Variants in RPRD2 observed in about 807,000 individuals in gnomAD.
The protein encoded by RPRD2 is regulation of nuclear pre-mRNA domain-containing protein 2.
In RPRD2, 12 loss-of-function variants were observed where a neutral mutation model predicts 104.4. That is an observed-to-expected ratio of 0.11 (90% CI 0.07 to 0.19). The LOEUF (loss-of-function observed/expected upper bound fraction) is 0.19, where lower values mean the gene tolerates loss of function less well. Among genes scored for constraint, RPRD2 ranks in the 10% least tolerant of loss-of-function variants. The pLI is 1.00. For synonymous variants in RPRD2, 714 were observed against 684.9 expected, an observed-to-expected ratio of 1.04 and a Z score of -0.66; for missense variants, 1,543 against 1,790.1, an observed-to-expected ratio of 0.86 and a Z score of 2.49.
At chr1:150,389,141 A>G (rs1465444359) in intron 1 of RPRD2, among the ~76,000 whole-genome samples, 3 of 151,980 alleles carry the variant, frequency 2.0e-5, no homozygotes, top group Non-Finnish European at 2.9e-5. Context: ...GGTCTAAGCA[A>G]TCCTCCCACC....
At chr1:150,424,175 G>A (rs115871545) in intron 2 of RPRD2, among the ~76,000 whole-genome samples, 2,110 of 152,222 alleles carry the variant, frequency 0.014, 54 homozygotes, top group African/African-American at 0.048. Flanking sequence ...TTTGTGTGAA[G>A]TCCTACTCCT....
At chr1:150,468,929 C>CT (rs1275280115) in intron 10 of RPRD2, among the ~76,000 whole-genome samples, 6 of 130,352 alleles carry the variant, frequency 4.6e-5, no homozygotes, top group African/African-American at 1.9e-4. Flanking sequence ...GGCTAGGGAA[C>CT]TTTTTTTGGA....
chr1:150,468,532 C>T (rs956781658), intron 10 of RPRD2, among the ~76,000 whole-genome samples: 1 of 151,812 alleles, frequency 6.6e-6, no homozygotes, highest in Non-Finnish European at 1.5e-5. Context: ...TATTATATAT[C>T]ACATTCTAGT....
chr1:150,440,239 T>G (rs1282233067), intron 2 of RPRD2, among the ~76,000 whole-genome samples: 1 of 151,994 alleles, frequency 6.6e-6, no homozygotes, highest in Non-Finnish European at 1.5e-5. Flanking sequence ...ACTCCTGACC[T>G]CAGGCAATCC....
chr1:150,438,415 C>T (rs1261559894), intron 2 of RPRD2, among the ~76,000 whole-genome samples: 2 of 152,192 alleles, frequency 1.3e-5, no homozygotes, highest in Admixed American at 6.5e-5. Flanking sequence ...CACTTGAGGT[C>T]GGGAGTTCAA....
chr1:150,435,924 G>A (rs150022398), intron 2 of RPRD2, among the ~76,000 whole-genome samples: 1 of 152,310 alleles, frequency 6.6e-6, no homozygotes, highest in African/African-American at 2.4e-5. Context: ...CTCTTGTTAG[G>A]AGCTAATACA....
Position 150,460,068 on chromosome 1 carries a change from A to C in RPRD2, c.1162A>C (p.Arg388=). The part of the protein sequence containing the change: ...DDGSKIIVED[R]KEKPAEKSAV... ...TTTCTTTGTTGAAACAGTCGAGGACAGGAAGGAAAAACCTGCAGAGAAGTC... is the reference window on the plus strand; with the variant it reads ...TTTCTTTGTTGAAACAGTCGAGGACCGGAAGGAAAAACCTGCAGAGAAGTC... The change falls in exon 9 of 11, where the codon AGG becomes CGG. Residue 388 remains arginine (R), a synonymous_variant. Transcript: ENST00000369068. 1 of 1,613,902 alleles carries C rather than the reference A, an allele frequency of 6.2e-7. No homozygotes were observed. Among genetic ancestry groups the C allele is most frequent in the Non-Finnish European group, 8.5e-7 (1 of 1,179,790 alleles).
At chr1:150,429,020 G>T (rs1553891070) in intron 2 of RPRD2, among the ~76,000 whole-genome samples, 2 of 151,018 alleles carry the variant, frequency 1.3e-5, no homozygotes, top group East Asian at 3.9e-4. Context: ...AGAAGAAAAG[G>T]TTATGTAACT....
At chr1:150,434,028 A>G (rs1002112220) in intron 2 of RPRD2, among the ~76,000 whole-genome samples, 12 of 152,130 alleles carry the variant, frequency 7.9e-5, no homozygotes, top group African/African-American at 2.7e-4. Flanking sequence ...GAAGTTAGCA[A>G]TAAGGATGGT....
At chr1:150,459,936 C>A (rs1447376797) in intron 8 of RPRD2, 124 bp from the exon 9 acceptor site, 9 of 774,828 alleles carry the variant, frequency 1.2e-5, no homozygotes, top group Non-Finnish European at 1.7e-5. Flanking sequence ...TGAAGTGAGT[C>A]GTTGTTTTCT....
At chr1:150,470,539 C>A (rs759155921) in intron 10 of RPRD2, 22 bp from the exon 11 acceptor site, 1 of 1,604,358 alleles carries the variant, frequency 6.2e-7, no homozygotes, top group East Asian at 2.2e-5. Flanking sequence ...CTTTTTAACC[C>A]CTCTAATCTT....
intron 2 of RPRD2, among the ~76,000 whole-genome samples, chr1:150,439,574 T>C (rs933889729): frequency 1.3e-5 from 2 of 152,000 alleles, no homozygotes; most frequent in East Asian, 3.8e-4. Flanking sequence ...GAACACATGA[T>C]GTTATGGATT....
intron 1 of RPRD2, among the ~76,000 whole-genome samples, chr1:150,412,314 T>C (rs587616627): frequency 6.0e-4 from 91 of 152,278 alleles, no homozygotes; most frequent in Admixed American, 1.1e-3. Context: ...TCCTCCAGAA[T>C]TTCCAAAGTG....
At chr1:150,377,916 T>A (rs1210074711) in intron 1 of RPRD2, among the ~76,000 whole-genome samples, 2 of 152,144 alleles carry the variant, frequency 1.3e-5, no homozygotes, top group African/African-American at 4.8e-5. Context: ...AGAAGTAAAT[T>A]GATTATTTTG....
At chr1:150,465,687 A>T (rs1288370253) in intron 10 of RPRD2, among the ~76,000 whole-genome samples, 2 of 152,168 alleles carry the variant, frequency 1.3e-5, no homozygotes, top group Non-Finnish European at 2.9e-5. Context: ...CCAGCTTTTA[A>T]TACAGGTTTA....
chr1:150,444,485 G>A, intron 6 of RPRD2, 108 bp downstream of exon 6: 1 of 1,087,762 alleles, frequency 9.2e-7, no homozygotes, highest in Non-Finnish European at 1.3e-6. Flanking sequence ...GTAGAAAGCA[G>A]TTGTGGCACC....
chr1:150,468,900 T>C (rs1668443308), intron 10 of RPRD2, among the ~76,000 whole-genome samples: 1 of 151,768 alleles, frequency 6.6e-6, no homozygotes, highest in Non-Finnish European at 1.5e-5. Context: ...AGGAAACTAT[T>C]AGTAGGGATG....
chr1:150,395,340 C>A (rs933068707), intron 1 of RPRD2, among the ~76,000 whole-genome samples: 7 of 146,216 alleles, frequency 4.8e-5, no homozygotes, highest in Non-Finnish European at 1.0e-4. Context: ...TAATTCATTC[C>A]TTTTCATGGC....
chr1:150,402,513 A>G (rs1663119434), intron 1 of RPRD2, among the ~76,000 whole-genome samples: 1 of 151,996 alleles, frequency 6.6e-6, no homozygotes, highest in South Asian at 2.1e-4. Flanking sequence ...CCTTCTCTCT[A>G]CACAAAAATA....
Sources: gnomAD v4.1 joint callset for allele counts (sites outside exome capture counted in the v4.1 genomes callset) on GRCh38, gnomAD v4.1.1 for gene constraint, MANE v1.5 for transcripts, NCBI Gene and HGNC (gene_info 2026-07-23, HGNC 2026-07-21) for gene names.